YTHDC1: variants seen among roughly 807,000 people sequenced by gnomAD.
The protein encoded by YTHDC1 is YTH N6-methyladenosine RNA binding protein C1.
Under a neutral mutation model 107.0 loss-of-function variants are expected in YTHDC1, and 12 were observed. The observed-to-expected ratio is 0.11, with a 90% CI of 0.07 to 0.18. YTHDC1 has a LOEUF of 0.18. Ranked by LOEUF, YTHDC1 falls within the 10% of genes least tolerant of loss-of-function variation. The pLI, the probability that YTHDC1 is intolerant of heterozygous loss-of-function variation, is 1.00. For synonymous variants in YTHDC1, 280 were observed against 289.5 expected (o/e 0.97, Z 0.33); for missense variants, 635 against 898.8 (o/e 0.71, Z 3.75).
rs142812964 is a variant in YTHDC1, at chr4:68,345,128, G to A, written c.28+4598C>T. 2.6e-5 allele frequency among the ~76,000 whole-genome samples: 4 copies of A among 152,196 alleles called. No homozygotes were observed. The East Asian group carries it at 7.7e-4, about 29-fold the overall frequency. On this transcript the variant is annotated intron_variant, in intron 1 of 16. Transcript: ENST00000344157. The stretch of plus-strand genomic sequence containing the variant: ...GCTAGCTGTTTGTTGCTTGGCTGGG[G>A]GATTTTTGTTTTAGGTAAACATGGG...
Position 68,328,654 on chromosome 4 carries a change from AAAGT to A in YTHDC1, c.1349+1344_1349+1347del, listed in dbSNP as rs76044678. 9.2e-5 allele frequency among the ~76,000 whole-genome samples: 14 copies of A among 152,352 alleles called. No homozygotes were observed. The East Asian group carries it at 2.7e-3, about 29-fold the overall frequency. ...GATGATTTCCAACTCTTTCCCACAG[AAAGT>A]AATAATGGGATGAGTATTTTTTCTG... On this transcript the variant is annotated intron_variant, in intron 9 of 16. Transcript: ENST00000344157.
intron 10 of YTHDC1, 142 bp downstream of exon 10, chr4:68,323,997 T>C: frequency 1.5e-6 from 1 of 673,436 alleles, no homozygotes; most frequent in South Asian, 2.2e-5. Flanking sequence ...ATCACAGTTA[T>C]TATAAACTTC....
chr4:68,348,804 G>C (rs1725733216), intron 1 of YTHDC1, among the ~76,000 whole-genome samples: 1 of 152,146 alleles, frequency 6.6e-6, no homozygotes, highest in African/African-American at 2.4e-5. Flanking sequence ...ACAGAGCAGC[G>C]ACCGTGTCAT....
chr4:68,342,557 G>A lies in YTHDC1; in HGVS notation c.29-4173C>T, dbSNP rs528360911. Among the ~76,000 whole-genome samples, 4 of 152,250 alleles carry A rather than the reference G, an allele frequency of 2.6e-5. No individual in the cohort carries two copies. The South Asian group carries it at 6.2e-4, about 24-fold the overall frequency. ...GACAGATGTTTCCAAAATTACTATA[G>A]TTTTATTTAAGGGTAAATATTTTAA... On this transcript the variant is annotated intron_variant, in intron 1 of 16. Coordinates refer to ENST00000344157, the MANE Select transcript of YTHDC1 (RefSeq NM_001031732.4).
At chr4:68,327,223 C>T (rs963879100) in intron 9 of YTHDC1, among the ~76,000 whole-genome samples, 3 of 151,576 alleles carry the variant, frequency 2.0e-5, no homozygotes, top group African/African-American at 4.9e-5. Flanking sequence ...GCAACAAGAG[C>T]GAAACTCCGT....
In YTHDC1 at chr4:68,337,279, C is replaced by T; in HGVS notation, c.631G>A (p.Glu211Lys). ...GCATCTTCTTCTACTTCTTCATCTT[C>T]CTCCACATCTTCTTCCACTCCTTCC... ...EEEGVEEDVE[E>K]DEEVEEDAEE... Residue 211 changes from glutamate to lysine, a missense_variant, in exon 4 of 17, where the codon GAA becomes AAA. Glu to Lys is a moderately conservative substitution (Grantham distance 56, BLOSUM62 1). Coordinates refer to ENST00000344157, the MANE Select transcript of YTHDC1 (RefSeq NM_001031732.4). 1 of 1,612,072 alleles carries T rather than the reference C, an allele frequency of 6.2e-7. No homozygotes were observed. Among genetic ancestry groups the T allele is most frequent in the South Asian group, 1.1e-5 (1 of 90,900 alleles).
chr4:68,322,967 A>G lies in YTHDC1; in HGVS notation c.1435-52T>C. On this transcript the variant is annotated intron_variant, in intron 10 of 16. Coordinates refer to ENST00000344157, the MANE Select transcript of YTHDC1 (RefSeq NM_001031732.4). This position sits in a 1 kb window ranked among gnomAD's most constrained non-coding sequence, Gnocchi z 4.8. ...AAACAAAAACAGACCCTTTCAACAG[A>G]CTTGCATTTTCCTGATGTACCAGAA... The G allele has an allele frequency of 6.4e-7, 1 of 1,568,994 alleles. No homozygotes were observed. Among genetic ancestry groups the G allele is most frequent in the Non-Finnish European group, 8.7e-7 (1 of 1,150,822 alleles).
intron 1 of YTHDC1, 126 bp from the exon 2 acceptor site, chr4:68,338,510 T>C: frequency 1.6e-6 from 1 of 622,240 alleles, no homozygotes; most frequent in Admixed American, 3.5e-5. Flanking sequence ...AGCTTTACTT[T>C]TATTTCAGAA....
chr4:68,338,014 T>C, intron 2 of YTHDC1, 114 bp from the exon 3 acceptor site: 10 of 1,467,320 alleles, frequency 6.8e-6, no homozygotes, highest in Non-Finnish European at 8.0e-6. Flanking sequence ...CTCATTTCTT[T>C]AAAAGTCTTC....
At position 68,350,042 on chromosome 4, in the gene YTHDC1, C is replaced by T. The variant is rs1280870857; in HGVS notation, c.-289G>A. ...GGAAACAGATGGCGACGGCGGGCGGCGCTAAAATGGAGCCTGCTTCCTGCG... is the reference window on the plus strand; with the variant it reads ...GGAAACAGATGGCGACGGCGGGCGGTGCTAAAATGGAGCCTGCTTCCTGCG... On this transcript the variant is annotated 5_prime_UTR_variant, in exon 1 of 17. Coordinates refer to ENST00000344157, the MANE Select transcript of YTHDC1 (RefSeq NM_001031732.4). 3 of 542,566 alleles carry T rather than the reference C, an allele frequency of 5.5e-6. No individual in the cohort carries two copies. The highest frequency in any genetic ancestry group is 2.0e-5 in the African/African-American group (1 of 51,274). The allele number at this position is 542,566 out of a possible 1,614,324, so 33.6% of individuals were successfully genotyped here. A position where few individuals can be genotyped will look rare whatever the true frequency, so the allele number is the denominator to read the frequency against.
chr4:68,347,766 T>C (rs773083867), intron 1 of YTHDC1, among the ~76,000 whole-genome samples: 11 of 152,180 alleles, frequency 7.2e-5, no homozygotes, highest in Non-Finnish European at 1.6e-4. Context: ...CACTTTTCCT[T>C]AAGAGAGGAA....
chr4:68,336,368 C>T (rs1919905), intron 4 of YTHDC1, among the ~76,000 whole-genome samples: 124,430 of 151,980 alleles, frequency 0.82, 51,302 homozygotes, highest in East Asian at 0.97. Context: ...AACTACGTAA[C>T]AGTCATACAT....
At position 68,337,152 on chromosome 4, in the gene YTHDC1, T is replaced by C. The variant is rs2109728234; in HGVS notation, c.758A>G (p.Asp253Gly). 6.2e-7 allele frequency: 1 copy of C among 1,613,938 alleles called. No individual in the cohort carries two copies. Among genetic ancestry groups the C allele is most frequent in the Non-Finnish European group, 8.5e-7 (1 of 1,179,940 alleles). ...TCCCTCCTCTTTCTGGTCTCTCTCA[T>C]CCTGTTCATATTCTTCTTCTTCCTC... Reference protein sequence around the residue: ...EEEEEEEYEQDERDQKEEGND... With the variant: ...EEEEEEEYEQGERDQKEEGND... The change falls in exon 4 of 17, where the codon GAT (aspartate) becomes GGT (glycine). Residue 253 changes from aspartate (D) to glycine (G), a missense_variant. Physicochemically the swap from Asp to Gly is moderately conservative, Grantham distance 94. Transcript: ENST00000344157.
chr4:68,329,080 T>C (rs1195679746), intron 9 of YTHDC1, among the ~76,000 whole-genome samples: 4 of 152,196 alleles, frequency 2.6e-5, no homozygotes, highest in African/African-American at 7.2e-5. Context: ...ACTCCCTCTA[T>C]CTTCACAGCT....
chr4:68,349,802 C>T lies in YTHDC1; in HGVS notation c.-49G>A, dbSNP rs1391675448. 1 of 1,610,894 alleles carries T rather than the reference C, an allele frequency of 6.2e-7. No individual in the cohort carries two copies. Among genetic ancestry groups the T allele is most frequent in the South Asian group, 1.1e-5 (1 of 90,976 alleles). ...TGCCACCGCCGCCGCCGCTTAGACG[C>T]GACTCGCGCGGGCGCCGCAGCCGCG... On this transcript the variant is annotated 5_prime_UTR_variant, in exon 1 of 17. Transcript: ENST00000344157.
At chr4:68,316,698 G>A (rs1259693644) in intron 15 of YTHDC1, among the ~76,000 whole-genome samples, 1 of 152,122 alleles carries the variant, frequency 6.6e-6, no homozygotes, top group South Asian at 2.1e-4. Flanking sequence ...CTTACATGGT[G>A]CTTACTGTGA....
intron 1 of YTHDC1, among the ~76,000 whole-genome samples, chr4:68,341,258 A>G (rs1054159310): frequency 6.6e-6 from 1 of 152,200 alleles, no homozygotes; most frequent in Non-Finnish European, 1.5e-5. Flanking sequence ...GAACAATAAA[A>G]GCAACTTTAA....
chr4:68,349,579 A>T (rs550674593), intron 1 of YTHDC1, 147 bp downstream of exon 1: 161 of 1,289,766 alleles, frequency 1.2e-4, no homozygotes, highest in Admixed American at 7.1e-4. Context: ...GCCAGAGTCT[A>T]AGTGTCTCGG....
At chr4:68,342,124 C>G (rs1451240578) in intron 1 of YTHDC1, among the ~76,000 whole-genome samples, 1 of 152,126 alleles carries the variant, frequency 6.6e-6, no homozygotes, top group Non-Finnish European at 1.5e-5. Context: ...ATAAGATGAT[C>G]ACCCTAAAAC....
Sources: gnomAD v4.1 joint callset for allele counts (sites outside exome capture counted in the v4.1 genomes callset) on GRCh38, gnomAD v4.1.1 for gene constraint, Gnocchi (gnomAD v3.1) non-coding constraint, MANE v1.5 for transcripts, NCBI Gene and HGNC (gene_info 2026-07-23, HGNC 2026-07-21) for gene names.